Variants in BAALC observed in about 807,000 individuals in gnomAD.
The protein encoded by BAALC is brain and acute leukemia cytoplasmic protein.
In BAALC, 9 loss-of-function variants were observed where a neutral mutation model predicts 15.5. The observed-to-expected ratio is 0.58, with a 90% CI of 0.35 to 1.02. The LOEUF (loss-of-function observed/expected upper bound fraction) is 1.02, where lower values mean the gene tolerates loss of function less well. BAALC is among the 50% of genes least tolerant of loss of function. The probability of loss-of-function intolerance (pLI) is 0.02; values close to 1 mark genes in which losing one functional copy is unlikely to be tolerated. For missense variants in BAALC, 201 were observed against 192.4 expected (o/e 1.04, Z -0.27); for synonymous variants, 80 against 74.6 (o/e 1.07, Z -0.37).
chr8:103,179,851 A>G (rs1034928805), intron 1 of BAALC, among the ~76,000 whole-genome samples: 2 of 152,222 alleles, frequency 1.3e-5, no homozygotes, highest in African/African-American at 2.4e-5. Context: ...CAGGCTGAGG[A>G]TGAAGGCTGT....
chr8:103,190,895 G>A (rs1486045342), intron 1 of BAALC: 1 of 152,138 alleles, frequency 6.6e-6, no homozygotes, highest in African/African-American at 2.4e-5. Flanking sequence ...TCAGATGTGA[G>A]TTAAATTAGT....
chr8:103,184,715 C>T (rs1811795108), intron 1 of BAALC, among the ~76,000 whole-genome samples: 1 of 152,184 alleles, frequency 6.6e-6, no homozygotes, highest in Non-Finnish European at 1.5e-5. Context: ...AGTAAAAAGT[C>T]ATCTTCTGAA....
chr8:103,150,147 T>C (rs10100139), intron 1 of BAALC, among the ~76,000 whole-genome samples: 55,097 of 151,928 alleles, frequency 0.36, 10,054 homozygotes, highest in East Asian at 0.44. Context: ...CTCCCCTTTA[T>C]AAAACCATCG....
chr8:103,219,595 C>G (rs1485933225), intron 2 of BAALC: 1 of 151,836 alleles, frequency 6.6e-6, no homozygotes, highest in African/African-American at 2.4e-5. Flanking sequence ...GGGCTGCGGT[C>G]TGCACAGAAT....
chr8:103,208,981 A>G (rs1265160104), intron 1 of BAALC, among the ~76,000 whole-genome samples: 2 of 152,176 alleles, frequency 1.3e-5, no homozygotes, highest in Admixed American at 1.3e-4. Flanking sequence ...ATCCCCATCC[A>G]GGCTGGCAGC....
At chr8:103,217,198 T>C (rs1247829339) in intron 2 of BAALC, among the ~76,000 whole-genome samples, 1 of 152,256 alleles carries the variant, frequency 6.6e-6, no homozygotes, top group Admixed American at 6.5e-5. Flanking sequence ...AGGGAGCTGA[T>C]AACTTTAGTT....
chr8:103,155,381 G>A (rs1811069703), intron 1 of BAALC, among the ~76,000 whole-genome samples: 1 of 152,180 alleles, frequency 6.6e-6, no homozygotes, highest in Non-Finnish European at 1.5e-5. Context: ...CACAGTCCAG[G>A]GCAGAGGGAG....
intron 1 of BAALC, among the ~76,000 whole-genome samples, chr8:103,192,574 A>G (rs917538706): frequency 6.6e-6 from 1 of 152,246 alleles, no homozygotes; most frequent in Non-Finnish European, 1.5e-5. Flanking sequence ...GGCAAAAGCC[A>G]TCATTCTGAA....
At chr8:103,219,347 G>A (rs931557253) in intron 2 of BAALC, 1 of 152,308 alleles carries the variant, frequency 6.6e-6, no homozygotes, top group Non-Finnish European at 1.5e-5. Flanking sequence ...AACTGAGACA[G>A]CCTAGTCATC....
intron 1 of BAALC, among the ~76,000 whole-genome samples, chr8:103,179,511 T>TA (rs1360463444): frequency 6.6e-6 from 1 of 152,252 alleles, no homozygotes. Flanking sequence ...CACAGACTTT[T>TA]AGCAGAACAG....
chr8:103,146,415 G>A (rs979911565), intron 1 of BAALC, among the ~76,000 whole-genome samples: 1 of 152,156 alleles, frequency 6.6e-6, no homozygotes, highest in African/African-American at 2.4e-5. Flanking sequence ...TGACTTACCT[G>A]TTACCGCTTG....
chr8:103,180,733 G>C (rs1811707787), intron 1 of BAALC, among the ~76,000 whole-genome samples: 1 of 152,202 alleles, frequency 6.6e-6, no homozygotes, highest in Non-Finnish European at 1.5e-5. Flanking sequence ...CTTCCTTGGG[G>C]AAACCCTTTC....
In BAALC at chr8:103,163,230, T is replaced by C. The variant is rs999843313; in HGVS notation, c.160+22173T>C. On this transcript the variant is annotated intron_variant, in intron 1 of 2. Transcript: ENST00000309982. ...GTCCTCTTTTTTAGTTCCTCTTTCA[T>C]GATTTGTCCCATGCTCTACCCACGT... 6.6e-5 allele frequency among the ~76,000 whole-genome samples: 10 copies of C among 152,202 alleles called. No homozygotes were observed. The South Asian group carries it at 2.1e-3, about 32-fold the overall frequency.
chr8:103,158,281 A>G (rs1811143622), intron 1 of BAALC, among the ~76,000 whole-genome samples: 1 of 152,282 alleles, frequency 6.6e-6, no homozygotes, highest in African/African-American at 2.4e-5. Context: ...GAAAACCTTC[A>G]GGAAAGCTAT....
At chr8:103,150,567 G>C (rs1810964804) in intron 1 of BAALC, among the ~76,000 whole-genome samples, 1 of 152,174 alleles carries the variant, frequency 6.6e-6, no homozygotes, top group African/African-American at 2.4e-5. Flanking sequence ...GTGTAATGAA[G>C]CAAAACCAAA....
rs1810754598 is a variant in BAALC, at chr8:103,140,918, G to A, written c.21G>A (p.Arg7=). Reference sequence around the variant, plus strand: ...GGAGGATGGGCTGCGGCGGGAGCCGGGCGGATGCCATCGAGCCCCGCTACT... The same window carrying A: ...GGAGGATGGGCTGCGGCGGGAGCCGAGCGGATGCCATCGAGCCCCGCTACT... MGCGGS[R]ADAIEPRYYE... The change falls in exon 1 of 3, where the codon CGG becomes CGA. Residue 7 remains arginine (R), a synonymous_variant. Coordinates refer to ENST00000309982, the MANE Select transcript of BAALC (RefSeq NM_024812.3). This position sits in a 1 kb window ranked among gnomAD's most constrained non-coding sequence, Gnocchi z 4.2. 1 of 1,521,060 alleles carries A rather than the reference G, an allele frequency of 6.6e-7. No individual in the cohort carries two copies. The highest frequency in any genetic ancestry group is 1.2e-5 in the South Asian group (1 of 81,682). The allele number at this position is 1,521,060 out of a possible 1,614,324, so 94.2% of individuals were successfully genotyped here.
chr8:103,186,077 T>TGCCCAGCCTCTTCAGGGCAAGGG (rs1479515364), intron 1 of BAALC, among the ~76,000 whole-genome samples: 2 of 152,180 alleles, frequency 1.3e-5, no homozygotes, highest in African/African-American at 4.8e-5. Flanking sequence ...GAGAATGGGA[T>TGCCCAGCCTCTTCAGGGCAAGGG]GCCCAGCCTC....
chr8:103,155,096 A>G (rs1026959222), intron 1 of BAALC, among the ~76,000 whole-genome samples: 3 of 152,142 alleles, frequency 2.0e-5, no homozygotes, highest in African/African-American at 7.2e-5. Flanking sequence ...AACTTCATCC[A>G]TGAATACTTC....
At chr8:103,159,617 T>G (rs894011077) in intron 1 of BAALC, among the ~76,000 whole-genome samples, 4 of 152,184 alleles carry the variant, frequency 2.6e-5, no homozygotes, top group Non-Finnish European at 4.4e-5. Flanking sequence ...ATCTTGTATG[T>G]GTATACTCAG....
Sources: allele counts gnomAD v4.1 joint callset (sites outside exome capture counted in the v4.1 genomes callset), GRCh38; gene constraint gnomAD v4.1.1; non-coding constraint Gnocchi (gnomAD v3.1); transcripts MANE v1.5; gene names NCBI Gene and HGNC (gene_info 2026-07-23, HGNC 2026-07-21).